The following ERLEC1 variants were observed in gnomAD, a reference collection of about 807,000 sequenced individuals.
The protein encoded by ERLEC1 is endoplasmic reticulum lectin 1.
A neutral mutation model predicts 68.0 loss-of-function variants in ERLEC1; 47 were observed. The observed-to-expected ratio is 0.69, with a 90% CI of 0.55 to 0.88. The LOEUF (loss-of-function observed/expected upper bound fraction) is 0.88. Among genes scored for constraint, ERLEC1 ranks in the 40% least tolerant of loss-of-function variants. The probability of loss-of-function intolerance (pLI) is 0.00; values close to 1 mark genes in which losing one functional copy is unlikely to be tolerated. For synonymous variants in ERLEC1, 225 were observed against 203.2 expected, an observed-to-expected ratio of 1.11 and a Z score of -0.91; for missense variants, 567 against 583.8, an observed-to-expected ratio of 0.97 and a Z score of 0.30.
At chr2:53,799,344 A>G (rs1268644932) in intron 6 of ERLEC1, among the ~76,000 whole-genome samples, 1 of 152,196 alleles carries the variant, frequency 6.6e-6, no homozygotes, top group Non-Finnish European at 1.5e-5. Flanking sequence ...ATAGCATTAT[A>G]TCACTTACGT....
At chr2:53,804,992 T>C (rs1676208847) in intron 8 of ERLEC1, among the ~76,000 whole-genome samples, 1 of 140,076 alleles carries the variant, frequency 7.1e-6, no homozygotes, top group East Asian at 2.0e-4. Context: ...AGGATCTCTT[T>C]TTTTTTTTTT....
chr2:53,804,600 G>A (rs1455607414), intron 8 of ERLEC1, among the ~76,000 whole-genome samples: 2 of 152,120 alleles, frequency 1.3e-5, no homozygotes, highest in African/African-American at 4.8e-5. Context: ...TTTTGATACA[G>A]ATATGCAGTG....
chr2:53,807,127 C>T (rs1195159812), intron 8 of ERLEC1, among the ~76,000 whole-genome samples: 1 of 152,192 alleles, frequency 6.6e-6, no homozygotes, highest in Non-Finnish European at 1.5e-5. Context: ...GTCCAAACCT[C>T]TCAGCATTTA....
chr2:53,815,813 G>A (rs910591675), intron 13 of ERLEC1, among the ~76,000 whole-genome samples: 1 of 152,080 alleles, frequency 6.6e-6, no homozygotes, highest in Non-Finnish European at 1.5e-5. Flanking sequence ...CATAGAATAT[G>A]TAGTGATCCA....
In ERLEC1 at chr2:53,814,569, G is replaced by T; in HGVS notation, c.1253G>T (p.Gly418Val). 6.2e-7 allele frequency: 1 copy of T among 1,611,602 alleles called. No individual in the cohort carries two copies. Among genetic ancestry groups the T allele is most frequent in the Non-Finnish European group, 8.5e-7 (1 of 1,178,562 alleles). Residue 418 changes from glycine to valine, a missense_variant, in exon 12 of 14, where the codon GGA becomes GTA. Coordinates refer to ENST00000185150, the MANE Select transcript of ERLEC1 (RefSeq NM_015701.5). ...ATGGTGTCACATTTTTATGGAAATG[G>T]AGATATTTGTGATATAACTGACAAA... ...VRMVSHFYGN[G>V]DICDITDKPR...
intron 11 of ERLEC1, among the ~76,000 whole-genome samples, 186 bp downstream of exon 11, chr2:53,813,259 C>G (rs1003133110): frequency 2.0e-5 from 3 of 152,118 alleles, no homozygotes; most frequent in Non-Finnish European, 2.9e-5. Context: ...AGCACAGTCC[C>G]TGGAGTCAGA....
chr2:53,814,611 T>C lies in ERLEC1; in HGVS notation c.1295T>C (p.Val432Ala). The change falls in exon 12 of 14, where the codon GTA (valine) becomes GCA (alanine). Residue 432 changes from valine (V) to alanine (A), a missense_variant. Physicochemically the swap from Val to Ala is moderately conservative, Grantham distance 64 (BLOSUM62 0). Transcript: ENST00000185150. ...DITDKPRQVT[V>A]KLKCKESDSP... ...ACTGACAAACCAAGACAGGTGACTG[T>C]AAAACTAAAGTAAGTTAGACCATCA... 1 of 1,609,736 alleles carries C rather than the reference T, an allele frequency of 6.2e-7. No individual in the cohort carries two copies. Among genetic ancestry groups the C allele is most frequent in the Non-Finnish European group, 8.5e-7 (1 of 1,176,906 alleles).
chr2:53,794,153 A>AAACCTGCACATGTACCC (rs1466776103), intron 1 of ERLEC1, among the ~76,000 whole-genome samples, 192 bp from the exon 2 acceptor site: 1 of 152,230 alleles, frequency 6.6e-6, no homozygotes, highest in Non-Finnish European at 1.5e-5. Flanking sequence ...TCCATGTAAC[A>AAACCTGCACATGTACCC]AACCTGCACA....
chr2:53,797,054 G>A (rs148556631), intron 3 of ERLEC1, among the ~76,000 whole-genome samples: 209 of 151,872 alleles, frequency 1.4e-3, no homozygotes, highest in African/African-American at 4.7e-3. Flanking sequence ...ACCACATCCC[G>A]CTAATTTTTT....
intron 10 of ERLEC1, among the ~76,000 whole-genome samples, chr2:53,810,396 T>G (rs533840429): frequency 6.6e-6 from 1 of 152,312 alleles, no homozygotes; most frequent in African/African-American, 2.4e-5. Context: ...GTTCTTTTAT[T>G]TATAATTTTA....
chr2:53,806,585 A>T (rs1314447511), intron 8 of ERLEC1, among the ~76,000 whole-genome samples: 1 of 152,196 alleles, frequency 6.6e-6, no homozygotes, highest in Non-Finnish European at 1.5e-5. Flanking sequence ...TTTTCAAAAA[A>T]TAAGACAGCA....
chr2:53,811,234 G>C (rs951234878), intron 10 of ERLEC1, among the ~76,000 whole-genome samples: 2 of 152,070 alleles, frequency 1.3e-5, no homozygotes, highest in African/African-American at 4.8e-5. Context: ...CCAGACCTCT[G>C]CTAATGGACC....
At chr2:53,816,802 A>C (rs1676921721) in intron 13 of ERLEC1, among the ~76,000 whole-genome samples, 1 of 152,094 alleles carries the variant, frequency 6.6e-6, no homozygotes, top group African/African-American at 2.4e-5. Flanking sequence ...GGAGTTCACT[A>C]AGCTTCTTGG....
chr2:53,814,475 C>T (rs1676756242), intron 11 of ERLEC1, 68 bp from the exon 12 acceptor site: 3 of 1,095,816 alleles, frequency 2.7e-6, no homozygotes, highest in Non-Finnish European at 4.1e-6. Flanking sequence ...TCTTCTCACC[C>T]TACCCATTAC....
In ERLEC1 at chr2:53,814,571, G is replaced by A; in HGVS notation, c.1255G>A (p.Asp419Asn). 2 of 1,611,706 alleles carry A rather than the reference G, an allele frequency of 1.2e-6. No homozygotes were observed. Among genetic ancestry groups the A allele is most frequent in the Non-Finnish European group, 1.7e-6 (2 of 1,178,656 alleles). The change falls in exon 12 of 14, where the codon GAT becomes AAT. Residue 419 changes from aspartate to asparagine, a missense_variant. Coordinates refer to ENST00000185150, the MANE Select transcript of ERLEC1 (RefSeq NM_015701.5). Reference sequence around the variant, plus strand: ...GGTGTCACATTTTTATGGAAATGGAGATATTTGTGATATAACTGACAAACC... The same window carrying A: ...GGTGTCACATTTTTATGGAAATGGAAATATTTGTGATATAACTGACAAACC... ...RMVSHFYGNG[D>N]ICDITDKPRQ...
In ERLEC1 at chr2:53,817,850, A is replaced by C. The variant is rs751188890; in HGVS notation, c.1381-48A>C. On this transcript the variant is annotated intron_variant, in intron 13 of 13. Coordinates refer to ENST00000185150, the MANE Select transcript of ERLEC1 (RefSeq NM_015701.5). ...ATCCATTCAGCAGAATAGTACTGAA[A>C]AGTATTCAGCTTAGCAACTTTTTAA... 6 of 1,139,724 alleles carry C rather than the reference A, an allele frequency of 5.3e-6. No individual in the cohort carries two copies. The East Asian group carries it at 1.2e-4, about 22-fold the overall frequency. The allele number at this position is 1,139,724 out of a possible 1,614,324, so 70.6% of individuals were successfully genotyped here.
rs141195194 is a variant in ERLEC1 at position 53,816,543 on chromosome 2, A to G, written c.1381-1355A>G. On this transcript the variant is annotated intron_variant, in intron 13 of 13. Coordinates refer to ENST00000185150, the MANE Select transcript of ERLEC1 (RefSeq NM_015701.5). ...CTCGGCCTCCCAAATTGCTGGGATT[A>G]TAGGTGTGAGCCACCCGCACCCAGC... Among the ~76,000 whole-genome samples, 1,389 of 152,230 alleles carry G rather than the reference A, an allele frequency of 9.1e-3. 21 individuals are homozygous for G. Among genetic ancestry groups the G allele is most frequent in the African/African-American group, 0.032 (1,335 of 41,540 alleles).
At chr2:53,806,716 T>C (rs1676313351) in intron 8 of ERLEC1, among the ~76,000 whole-genome samples, 1 of 152,186 alleles carries the variant, frequency 6.6e-6, no homozygotes, top group Non-Finnish European at 1.5e-5. Context: ...CATAGCTGGT[T>C]AACGGTAACT....
rs187755114 is a variant in ERLEC1 at position 53,795,509 on chromosome 2, G to T, written c.268-424G>T. Among the ~76,000 whole-genome samples the T allele has an allele frequency of 3.4e-4, 51 of 152,188 alleles. 1 individual carries two copies. The East Asian group carries it at 9.5e-3, about 28-fold the overall frequency. ...GTAAAAATACATAAAAAACTGAAAA[G>T]TGCCTTAAAACTTTCCAATATATCC... is the stretch of plus-strand genomic sequence containing the variant. On this transcript the variant is annotated intron_variant, in intron 2 of 13. Transcript: ENST00000185150.
Sources: gnomAD v4.1 joint callset for allele counts (sites outside exome capture counted in the v4.1 genomes callset) on GRCh38, gnomAD v4.1.1 for gene constraint, MANE v1.5 for transcripts, NCBI Gene and HGNC (gene_info 2026-07-23, HGNC 2026-07-21) for gene names.